Variants in TBCK observed in about 807,000 individuals in gnomAD.
TBCK encodes the protein TBC1 domain containing kinase.
TBCK carries 99 observed loss-of-function variants against 113.4 expected under a neutral mutation model. The ratio of observed to expected loss-of-function variants is 0.87; its 90% CI spans 0.74 to 1.03. TBCK has a LOEUF of 1.03. Ranked by LOEUF, TBCK falls within the 50% of genes least tolerant of loss-of-function variation. The pLI, the probability that TBCK is intolerant of heterozygous loss-of-function variation, is 0.00. For synonymous variants in TBCK, 369 were observed against 370.8 expected (o/e 1.00, Z 0.05); for missense variants, 1,045 against 1,061.3 (o/e 0.98, Z 0.21).
intron 23 of TBCK, among the ~76,000 whole-genome samples, chr4:106,164,988 A>AATT (rs1208371564): frequency 2.1e-5 from 3 of 143,576 alleles, no homozygotes; most frequent in East Asian, 2.0e-4. Flanking sequence ...GTAAATAAAA[A>AATT]AATTAATTTA....
chr4:106,172,623 T>C (rs1342860823), intron 22 of TBCK, among the ~76,000 whole-genome samples: 1 of 152,106 alleles, frequency 6.6e-6, no homozygotes, highest in Non-Finnish European at 1.5e-5. Flanking sequence ...TTTCTCCCCC[T>C]CTTTTTGAAA....
chr4:106,059,681 A>C (rs2149458336), intron 25 of TBCK, among the ~76,000 whole-genome samples: 1 of 151,874 alleles, frequency 6.6e-6, no homozygotes, highest in African/African-American at 2.4e-5. Flanking sequence ...TAACCTCAAA[A>C]TGGCCTTTGG....
chr4:106,247,075 A>G (rs1330455769), intron 10 of TBCK, 64 bp downstream of exon 10: 1 of 1,498,184 alleles, frequency 6.7e-7, no homozygotes, highest in African/African-American at 1.4e-5. Flanking sequence ...AACTGAAAGT[A>G]GGACAAGGAA....
At chr4:106,204,095 T>C (rs1755182416) in intron 20 of TBCK, among the ~76,000 whole-genome samples, 1 of 152,166 alleles carries the variant, frequency 6.6e-6, no homozygotes, top group Admixed American at 6.5e-5. Flanking sequence ...ACTCTAGTAA[T>C]ATTAAATAAA....
At chr4:106,176,014 A>G (rs572530908) in intron 22 of TBCK, among the ~76,000 whole-genome samples, 64 of 152,162 alleles carry the variant, frequency 4.2e-4, no homozygotes, top group African/African-American at 1.5e-3. Context: ...TGGTTTTTCT[A>G]CTTTACTGTT....
At chr4:106,172,601 G>T (rs940236739) in intron 22 of TBCK, among the ~76,000 whole-genome samples, 32 of 152,126 alleles carry the variant, frequency 2.1e-4, no homozygotes, top group Admixed American at 3.3e-4. Flanking sequence ...TCAGAAAGTG[G>T]TAAGTTCTTT....
chr4:106,134,379 C>A (rs763691715), intron 23 of TBCK, among the ~76,000 whole-genome samples: 4 of 152,102 alleles, frequency 2.6e-5, no homozygotes, highest in Non-Finnish European at 5.9e-5. Context: ...TAAAAGCATG[C>A]TGAGTGATGT....
intron 20 of TBCK, among the ~76,000 whole-genome samples, chr4:106,198,338 AAAG>A (rs1398907985): frequency 6.6e-6 from 1 of 152,194 alleles, no homozygotes; most frequent in East Asian, 1.9e-4. Context: ...CTGCAAATTT[AAAG>A]TAGTATTATT....
At chr4:106,084,558 C>T (rs1183761965) in intron 25 of TBCK, among the ~76,000 whole-genome samples, 2 of 152,074 alleles carry the variant, frequency 1.3e-5, no homozygotes, top group African/African-American at 4.8e-5. Context: ...GCAAAACAGA[C>T]CAACATGCAA....
chr4:106,101,560 G>T (rs2149530847), intron 24 of TBCK, among the ~76,000 whole-genome samples: 1 of 152,270 alleles, frequency 6.6e-6, no homozygotes, highest in East Asian at 1.9e-4. Flanking sequence ...GGATGAATGT[G>T]CCATAATGAA....
At chr4:106,248,046 C>A in intron 9 of TBCK, 199 bp downstream of exon 9, 1 of 382,712 alleles carries the variant, frequency 2.6e-6, no homozygotes, top group Non-Finnish European at 4.7e-6. Flanking sequence ...AGTTTTCTGA[C>A]CGTAGTTTAA....
At chr4:106,189,343 A>T (rs1753396303) in intron 22 of TBCK, among the ~76,000 whole-genome samples, 1 of 121,402 alleles carries the variant, frequency 8.2e-6, no homozygotes, top group Admixed American at 7.8e-5. Flanking sequence ...ACTCCATCTC[A>T]AAAAAAAAAA....
intron 25 of TBCK, among the ~76,000 whole-genome samples, chr4:106,048,913 C>T (rs1244523331): frequency 6.6e-6 from 1 of 152,034 alleles, no homozygotes; most frequent in Non-Finnish European, 1.5e-5. Flanking sequence ...CAGGTTGCTG[C>T]TGTGTGGGAG....
Position 106,046,402 on chromosome 4 carries a change from G to GA in TBCK, c.*167dup. On this transcript the variant is annotated 3_prime_UTR_variant, in exon 26 of 26. Coordinates refer to ENST00000394708, the MANE Select transcript of TBCK (RefSeq NM_001163435.3). ...CATGTAGAGTCAAGTTTCTTGCATG[G>GA]ATAACTGAACATGTGGGTTATGAGA... 1 of 491,440 alleles carries GA rather than the reference G, an allele frequency of 2.0e-6. No individual in the cohort carries two copies. The highest frequency in any genetic ancestry group is 3.4e-5 in the South Asian group (1 of 29,144). The allele number at this position is 491,440 out of a possible 1,614,324, so 30.4% of individuals were successfully genotyped here. A position where few individuals can be genotyped will look rare whatever the true frequency, so the allele number is the denominator to read the frequency against.
intron 5 of TBCK, chr4:106,255,181 A>T (rs992955870): frequency 6.5e-6 from 1 of 154,674 alleles, no homozygotes; most frequent in African/African-American, 2.4e-5. Context: ...GTCTCTCAAA[A>T]AGATTTATAT....
chr4:106,271,268 C>T (rs1763446101), intron 3 of TBCK, among the ~76,000 whole-genome samples: 1 of 152,060 alleles, frequency 6.6e-6, no homozygotes, highest in East Asian at 1.9e-4. Context: ...CATATAATCC[C>T]ATAATGACCC....
rs544970083 is a variant in TBCK, at chr4:106,123,937, A to G, written c.2236-7559T>C. On this transcript the variant is annotated intron_variant, in intron 23 of 25. Transcript: ENST00000394708. ...AGGCATTACCATTCAGGACATAGGC[A>G]TGGGCAAGGACTTCATGTCCAAAAC... 1.0e-3 allele frequency among the ~76,000 whole-genome samples: 157 copies of G among 151,226 alleles called. 1 individual carries two copies. Among genetic ancestry groups the G allele is most frequent in the Middle Eastern group, 3.4e-3 (1 of 294 alleles).
intron 25 of TBCK, among the ~76,000 whole-genome samples, chr4:106,047,313 C>G (rs17036548): frequency 0.022 from 3,353 of 152,256 alleles, 113 homozygotes; most frequent in African/African-American, 0.075. Context: ...TCTACCTATC[C>G]AGGATCATCG....
At chr4:106,185,747 G>C (rs1292049104) in intron 22 of TBCK, among the ~76,000 whole-genome samples, 1 of 152,074 alleles carries the variant, frequency 6.6e-6, no homozygotes, top group African/African-American at 2.4e-5. Flanking sequence ...TTTAATTTTA[G>C]GTTCAAGGAG....
Sources: gnomAD v4.1 joint callset for allele counts (sites outside exome capture counted in the v4.1 genomes callset) on GRCh38, gnomAD v4.1.1 for gene constraint, MANE v1.5 for transcripts, NCBI Gene and HGNC (gene_info 2026-07-23, HGNC 2026-07-21) for gene names.